Variants in MED12L observed in about 807,000 individuals in gnomAD.
MED12L encodes the protein mediator complex subunit 12L, also known as mediator of RNA polymerase II transcription subunit 12-like protein.
MED12L carries 60 observed loss-of-function variants against 281.3 expected under a neutral mutation model. The observed-to-expected ratio is 0.21, with a 90% CI of 0.17 to 0.26. The LOEUF (loss-of-function observed/expected upper bound fraction) is 0.26, where lower values mean the gene tolerates loss of function less well. Ranked by LOEUF, MED12L falls within the 10% of genes least tolerant of loss-of-function variation. The pLI is 1.00. For synonymous variants in MED12L, 974 were observed against 987.2 expected (o/e 0.99, Z 0.25); for missense variants, 2,146 against 2,680.9 (o/e 0.80, Z 4.41).
chr3:151,143,086 C>T (rs919763948), intron 5 of MED12L, among the ~76,000 whole-genome samples: 1 of 152,148 alleles, frequency 6.6e-6, no homozygotes, highest in Admixed American at 6.5e-5. Context: ...CTTTAGTCTC[C>T]AGAAAAATCA....
At chr3:151,322,480 A>G (rs1218023016) in intron 16 of MED12L, among the ~76,000 whole-genome samples, 1 of 152,052 alleles carries the variant, frequency 6.6e-6, no homozygotes, top group Non-Finnish European at 1.5e-5. Flanking sequence ...TATAGGTGTG[A>G]GCTACTGCAT....
chr3:151,178,180 A>AAAAAAAAAAAAAAAAAAAG (rs1560124043), intron 11 of MED12L, among the ~76,000 whole-genome samples: 4 of 151,266 alleles, frequency 2.6e-5, no homozygotes, highest in African/African-American at 7.3e-5. Context: ...AAAAAAAAAA[A>AAAAAAAAAAAAAAAAAAAG]AAAAGAAAGT....
intron 2 of MED12L, among the ~76,000 whole-genome samples, chr3:151,106,810 A>G (rs1722133222): frequency 6.6e-6 from 1 of 152,186 alleles, no homozygotes; most frequent in South Asian, 2.1e-4. Context: ...AGTCTACTAT[A>G]TCTGATATTA....
chr3:151,293,997 C>G, intron 16 of MED12L: 1 of 598,544 alleles, frequency 1.7e-6, no homozygotes, highest in Non-Finnish European at 3.0e-6. Flanking sequence ...TACGCTACCT[C>G]TTGTTTATCT....
At chr3:151,328,736 G>A in intron 16 of MED12L, 2 of 1,614,014 alleles carry the variant, frequency 1.2e-6, no homozygotes, top group African/African-American at 1.3e-5. Flanking sequence ...CTGCCAGGGT[G>A]CCAGGTGTGA....
rs1451689040 is a variant in MED12L, at chr3:151,153,106, G to A, written c.557-3055G>A. 3.3e-5 allele frequency among the ~76,000 whole-genome samples: 5 copies of A among 152,322 alleles called. No individual in the cohort carries two copies. The East Asian group carries it at 9.6e-4, about 29-fold the overall frequency. Reference sequence around the variant, plus strand: ...TTGTACTACTAAAACAAAGCACTCAGTGTACTACTGTTTTAGCTATGCATC... The same window carrying A: ...TTGTACTACTAAAACAAAGCACTCAATGTACTACTGTTTTAGCTATGCATC... On this transcript the variant is annotated intron_variant, in intron 5 of 44. Transcript: ENST00000687756.
chr3:151,146,338 T>C (rs565898032), intron 5 of MED12L, among the ~76,000 whole-genome samples: 1 of 152,306 alleles, frequency 6.6e-6, no homozygotes, highest in African/African-American at 2.4e-5. Context: ...GTGGAACTCC[T>C]TTGTACCTTC....
At chr3:151,376,953 A>G in intron 29 of MED12L, 38 bp from the exon 30 acceptor site, 2 of 1,611,088 alleles carry the variant, frequency 1.2e-6, no homozygotes, top group Non-Finnish European at 1.7e-6. Context: ...GGATAAAGGA[A>G]TACACATATG....
chr3:151,372,839 G>C (rs1756360475), intron 27 of MED12L, 73 bp downstream of exon 27: 1 of 1,227,698 alleles, frequency 8.1e-7, no homozygotes, highest in Non-Finnish European at 1.2e-6. Context: ...TACACTTATA[G>C]GAAACTTGTG....
chr3:151,167,000 A>G (rs1448717286), intron 11 of MED12L, among the ~76,000 whole-genome samples: 2 of 152,046 alleles, frequency 1.3e-5, no homozygotes, highest in Non-Finnish European at 2.9e-5. Flanking sequence ...AAGACTTTCT[A>G]TGGGCTAGAT....
At chr3:151,124,307 A>G (rs754929722) in intron 4 of MED12L, among the ~76,000 whole-genome samples, 2 of 152,214 alleles carry the variant, frequency 1.3e-5, no homozygotes, top group Admixed American at 1.3e-4. Flanking sequence ...TGTGTTAGCC[A>G]TTATTCTTCT....
intron 16 of MED12L, among the ~76,000 whole-genome samples, chr3:151,252,554 G>C (rs1737054039): frequency 6.6e-6 from 1 of 152,086 alleles, no homozygotes; most frequent in Admixed American, 6.6e-5. Flanking sequence ...GTAAAGATGT[G>C]TTGCTTCCTT....
In MED12L at chr3:151,436,552, C is replaced by CTTTTA; in HGVS notation, c.*3753_*3757dup. On this transcript the variant is annotated 3_prime_UTR_variant, in exon 45 of 45. Coordinates refer to ENST00000687756, the MANE Select transcript of MED12L (RefSeq NM_001393769.1). ...TTCATAATGCATTTATTTACAAGTC[C>CTTTTA]TTTTATTTTGCATGTTCATTGTAAA... is the stretch of plus-strand genomic sequence containing the variant. The CTTTTA allele has an allele frequency of 1.6e-6, 1 of 614,618 alleles. No homozygotes were observed. Among genetic ancestry groups the CTTTTA allele is most frequent in the Non-Finnish European group, 2.8e-6 (1 of 360,804 alleles). 38.1% of individuals were successfully genotyped at this position (614,618 alleles called of 1,614,324 possible).
At position 151,432,999 on chromosome 3, in the gene MED12L, T is replaced by C; in HGVS notation, c.*195T>C. 3.7e-6 allele frequency: 2 copies of C among 540,548 alleles called. No individual in the cohort carries two copies. The highest frequency in any genetic ancestry group is 6.5e-6 in the Non-Finnish European group (2 of 306,002). 33.5% of individuals were successfully genotyped at this position (540,548 alleles called of 1,614,324 possible). ...AAGGAGAAGTTGTGGTTTGATTTTG[T>C]TGAATTCACCTTTAAAGTAGGTTTA... is the stretch of plus-strand genomic sequence containing the variant. On this transcript the variant is annotated 3_prime_UTR_variant, in exon 45 of 45. Transcript: ENST00000687756.
chr3:151,432,732 C>G lies in MED12L; in HGVS notation c.6491-20C>G, dbSNP rs1387120936. On this transcript the variant is annotated intron_variant, in intron 44 of 44. Transcript: ENST00000687756. ...TAGTTTTGTGTCTGTAATTTTGGTT[C>G]AATTTATTTTTCTCCTTAGGCAACC... The G allele has an allele frequency of 6.2e-7, 1 of 1,607,070 alleles. No individual in the cohort carries two copies. The highest frequency in any genetic ancestry group is 1.7e-5 in the Admixed American group (1 of 59,720).
At chr3:151,193,368 C>T (rs1724231504) in intron 15 of MED12L, 122 bp from the exon 16 acceptor site, 3 of 655,140 alleles carry the variant, frequency 4.6e-6, no homozygotes, top group African/African-American at 1.8e-5. Context: ...TATTTTTTTG[C>T]TAAGTGGTTA....
chr3:151,195,443 T>A (rs79260934), intron 16 of MED12L, among the ~76,000 whole-genome samples: 6,385 of 152,254 alleles, frequency 0.042, 179 homozygotes, highest in Middle Eastern at 0.092. Context: ...AATTAATCCA[T>A]TTTTTGTTAA....
intron 16 of MED12L, among the ~76,000 whole-genome samples, chr3:151,280,814 T>C (rs1742683289): frequency 6.6e-6 from 1 of 151,674 alleles, no homozygotes; most frequent in South Asian, 2.1e-4. Flanking sequence ...ACTAGATCTT[T>C]TCACAGCCAA....
intron 9 of MED12L, among the ~76,000 whole-genome samples, chr3:151,164,778 CACT>C (rs1305344243): frequency 6.6e-6 from 1 of 151,822 alleles, no homozygotes; most frequent in African/African-American, 2.4e-5. Context: ...CGCATGTTCT[CACT>C]CATAGGTGGG....
Sources: gnomAD v4.1 joint callset for allele counts (sites outside exome capture counted in the v4.1 genomes callset) on GRCh38, gnomAD v4.1.1 for gene constraint, MANE v1.5 for transcripts, NCBI Gene and HGNC (gene_info 2026-07-23, HGNC 2026-07-21) for gene names.